The following TIAM1 variants were observed in gnomAD, a reference collection of about 807,000 sequenced individuals.
TIAM1 encodes the protein TIAM Rac1 associated GEF 1, also known as rho guanine nucleotide exchange factor TIAM1.
In TIAM1, 65 loss-of-function variants were observed where a neutral mutation model predicts 163.5. The ratio of observed to expected loss-of-function variants is 0.40; its 90% CI spans 0.33 to 0.49. The LOEUF (loss-of-function observed/expected upper bound fraction) is 0.49. Among genes scored for constraint, TIAM1 ranks in the 20% least tolerant of loss-of-function variants. TIAM1 has a pLI of 0.77. For missense variants in TIAM1, 1,789 were observed against 2,044.7 expected, an observed-to-expected ratio of 0.87 and a Z score of 2.41; for synonymous variants, 833 against 810.1, an observed-to-expected ratio of 1.03 and a Z score of -0.48.
chr21:31,389,472 G>A (rs776455485), intron 2 of TIAM1, among the ~76,000 whole-genome samples: 1 of 152,166 alleles, frequency 6.6e-6, no homozygotes, highest in Non-Finnish European at 1.5e-5. Context: ...GCCTCCCAAA[G>A]TGCTAGGATT....
chr21:31,187,131 G>C, intron 13 of TIAM1, 44 bp from the exon 14 acceptor site: 1 of 1,580,108 alleles, frequency 6.3e-7, no homozygotes, highest in Middle Eastern at 1.7e-4. Context: ...CACACCTTCT[G>C]AATGTTTAGC....
intron 2 of TIAM1, among the ~76,000 whole-genome samples, chr21:31,428,671 C>T (rs1162174038): frequency 1.3e-5 from 2 of 152,002 alleles, no homozygotes; most frequent in Non-Finnish European, 2.9e-5. Flanking sequence ...TGGCTTGAGG[C>T]CAGGAGTTCG....
At chr21:31,226,954 T>TG (rs1192603712) in intron 6 of TIAM1, among the ~76,000 whole-genome samples, 1 of 92,854 alleles carries the variant, frequency 1.1e-5, no homozygotes. Flanking sequence ...AATTCTGTGT[T>TG]TTTTTTTTTT....
At chr21:31,408,531 A>C (rs1264191321) in intron 2 of TIAM1, among the ~76,000 whole-genome samples, 1 of 152,226 alleles carries the variant, frequency 6.6e-6, no homozygotes, top group East Asian at 1.9e-4. Flanking sequence ...TAAATTCCCC[A>C]AATGCAGAGG....
intron 2 of TIAM1, among the ~76,000 whole-genome samples, chr21:31,380,138 C>T (rs2076753345): frequency 6.6e-6 from 1 of 151,904 alleles, no homozygotes; most frequent in African/African-American, 2.4e-5. Context: ...GTGGTGCACA[C>T]CTGTAATCTC....
At chr21:31,520,344 A>G (rs1167730381) in intron 1 of TIAM1, among the ~76,000 whole-genome samples, 1 of 152,154 alleles carries the variant, frequency 6.6e-6, no homozygotes, top group Non-Finnish European at 1.5e-5. Flanking sequence ...AAAAAAAAAA[A>G]AAGAAATGGT....
chr21:31,325,007 C>T (rs541334901), intron 2 of TIAM1, among the ~76,000 whole-genome samples: 2 of 152,052 alleles, frequency 1.3e-5, no homozygotes, highest in East Asian at 1.9e-4. Context: ...AGGCCAGGCA[C>T]GGTGGCTCAC....
At chr21:31,415,928 G>T (rs1385792873) in intron 2 of TIAM1, among the ~76,000 whole-genome samples, 1 of 152,110 alleles carries the variant, frequency 6.6e-6, no homozygotes, top group Non-Finnish European at 1.5e-5. Flanking sequence ...GCTCCTAACA[G>T]ACATCCTGCC....
At chr21:31,544,817 TC>T (rs1337781731) in intron 1 of TIAM1, among the ~76,000 whole-genome samples, 6 of 151,906 alleles carry the variant, frequency 3.9e-5, no homozygotes, top group African/African-American at 1.2e-4. Context: ...ATCGAGACCA[TC>T]CTGGCTAACA....
chr21:31,368,833 A>G (rs2076543041), intron 2 of TIAM1, among the ~76,000 whole-genome samples: 2 of 152,236 alleles, frequency 1.3e-5, no homozygotes, highest in Non-Finnish European at 2.9e-5. Flanking sequence ...ATATTAAATT[A>G]GCATGTCAAT....
intron 2 of TIAM1, among the ~76,000 whole-genome samples, chr21:31,408,951 C>G (rs753839953): frequency 3.9e-5 from 6 of 151,984 alleles, no homozygotes; most frequent in Non-Finnish European, 8.8e-5. Flanking sequence ...TGAGTGCCAC[C>G]GCTCTCAGCC....
chr21:31,145,977 G>A (rs976258029), intron 20 of TIAM1, among the ~76,000 whole-genome samples: 8 of 152,276 alleles, frequency 5.3e-5, no homozygotes, highest in South Asian at 2.1e-4. Context: ...TGTCGACAAC[G>A]TGAAGTGAGG....
chr21:31,250,291 T>C (rs2071729398), intron 5 of TIAM1, among the ~76,000 whole-genome samples: 1 of 151,974 alleles, frequency 6.6e-6, no homozygotes, highest in South Asian at 2.1e-4. Flanking sequence ...TTTTGATAGG[T>C]GGGAGGGAAA....
chr21:31,423,265 A>AT (rs563310526), intron 2 of TIAM1, among the ~76,000 whole-genome samples: 3 of 151,512 alleles, frequency 2.0e-5, no homozygotes, highest in South Asian at 2.1e-4. Context: ...CACCTGGCTA[A>AT]TTTTTTGTAT....
chr21:31,213,184 G>A, intron 10 of TIAM1: 1 of 482,612 alleles, frequency 2.1e-6, no homozygotes, highest in Non-Finnish European at 3.6e-6. Context: ...TATGGGAAAT[G>A]TTATGTCAGC....
chr21:31,216,982 T>C (rs1049710600), intron 9 of TIAM1, among the ~76,000 whole-genome samples: 1 of 151,104 alleles, frequency 6.6e-6, no homozygotes, highest in Non-Finnish European at 1.5e-5. Flanking sequence ...CTGAGGCGGG[T>C]GGATCATGAG....
intron 2 of TIAM1, among the ~76,000 whole-genome samples, chr21:31,391,409 G>A (rs1337753870): frequency 6.6e-6 from 1 of 152,132 alleles, no homozygotes; most frequent in African/African-American, 2.4e-5. Flanking sequence ...CAGATCACCT[G>A]AGGTCAGGAG....
intron 5 of TIAM1, among the ~76,000 whole-genome samples, chr21:31,250,923 T>C (rs1157636487): frequency 6.6e-6 from 1 of 152,228 alleles, no homozygotes; most frequent in African/African-American, 2.4e-5. Context: ...CATGCATGTC[T>C]GTATCTATAT....
intron 4 of TIAM1, among the ~76,000 whole-genome samples, chr21:31,256,227 G>C (rs966257105): frequency 6.6e-6 from 1 of 152,168 alleles, no homozygotes; most frequent in Non-Finnish European, 1.5e-5. Context: ...CAAAGGGAGA[G>C]GTTTTCTGTG....
Sources: gnomAD v4.1 joint callset for allele counts (sites outside exome capture counted in the v4.1 genomes callset) on GRCh38, gnomAD v4.1.1 for gene constraint, MANE v1.5 for transcripts, NCBI Gene and HGNC (gene_info 2026-07-23, HGNC 2026-07-21) for gene names.